SLC9A7: variants seen among roughly 807,000 people sequenced by gnomAD.
SLC9A7 encodes the protein solute carrier family 9 member A7, also known as sodium/hydrogen exchanger 7.
SLC9A7 carries 19 observed loss-of-function variants against 52.6 expected under a neutral mutation model. The observed-to-expected ratio is 0.36, with a 90% CI of 0.25 to 0.53. The LOEUF (loss-of-function observed/expected upper bound fraction) is 0.53, where lower values mean the gene tolerates loss of function less well. Among genes scored for constraint, SLC9A7 ranks in the 20% least tolerant of loss-of-function variants. The pLI, the probability that SLC9A7 is intolerant of heterozygous loss-of-function variation, is 0.91. For missense variants in SLC9A7, 455 were observed against 597.9 expected, an observed-to-expected ratio of 0.76 and a Z score of 2.49; for synonymous variants, 226 against 252.1, an observed-to-expected ratio of 0.90 and a Z score of 0.98.
At chrX:46,674,076 G>A (rs1944070410) in intron 3 of SLC9A7, among the ~76,000 whole-genome samples, 1 of 111,342 alleles carries the variant, frequency 9.0e-6, no homozygotes, top group African/African-American at 3.3e-5. Flanking sequence ...AATCAGGGAG[G>A]GCTAGGAGTG....
intron 7 of SLC9A7, among the ~76,000 whole-genome samples, chrX:46,657,809 T>C (rs1943729679): frequency 9.1e-6 from 1 of 109,467 alleles, no homozygotes; most frequent in Admixed American, 9.8e-5. Context: ...ATTAGACAGA[T>C]CAATGAGACA....
At chrX:46,607,490 C>G (rs891196254) in intron 16 of SLC9A7, among the ~76,000 whole-genome samples, 1 of 111,523 alleles carries the variant, frequency 9.0e-6, no homozygotes, top group African/African-American at 3.3e-5. Flanking sequence ...TTCCAGCTTC[C>G]CAATCAACAC....
At chrX:46,755,161 T>C (rs1450928425) in intron 1 of SLC9A7, among the ~76,000 whole-genome samples, 2 of 112,272 alleles carry the variant, frequency 1.8e-5, no homozygotes, top group East Asian at 5.6e-4. Flanking sequence ...CCTTTCTGTT[T>C]AAACGTTAAG....
intron 1 of SLC9A7, among the ~76,000 whole-genome samples, chrX:46,689,799 TG>T (rs1362776669): frequency 2.7e-5 from 3 of 109,521 alleles, no homozygotes; most frequent in African/African-American, 1.0e-4. Context: ...GGCCCTGGTG[TG>T]TGATGTTCCC....
chrX:46,749,962 T>A (rs764410507), intron 1 of SLC9A7, among the ~76,000 whole-genome samples: 2 of 109,906 alleles, frequency 1.8e-5, no homozygotes, highest in South Asian at 7.9e-4. Flanking sequence ...ATGCCTGTAA[T>A]CCCAGCTAGT....
At chrX:46,738,108 A>G (rs369095500) in intron 1 of SLC9A7, among the ~76,000 whole-genome samples, 2 of 48,528 alleles carry the variant, frequency 4.1e-5, no homozygotes, top group Admixed American at 2.3e-4. Flanking sequence ...AGAAAGAAAG[A>G]GAAAAGAAAA....
In SLC9A7 at chrX:46,642,239, CTG is replaced by C. The variant is rs779517891; in HGVS notation, c.1616+995_1616+996del. ...CCTCCAAGCTATGTACGCTCTGCAG[CTG>C]TGTCGGGCATTCTACAGTCTAGAGA... On this transcript the variant is annotated intron_variant, in intron 12 of 16. Transcript: ENST00000616978. Among the ~76,000 whole-genome samples the C allele has an allele frequency of 1.9e-4, 22 of 113,096 alleles. No individual in the cohort carries two copies. In the South Asian group the frequency reaches 7.6e-3, roughly 39 times the overall value.
At chrX:46,686,620 G>T (rs1382913847) in intron 1 of SLC9A7, among the ~76,000 whole-genome samples, 1 of 109,192 alleles carries the variant, frequency 9.2e-6, no homozygotes, top group Non-Finnish European at 1.9e-5. Context: ...ATTTTTTTTT[G>T]AAAGCTTCAG....
chrX:46,759,113 C>A lies in SLC9A7; in HGVS notation c.-84G>T. ...GGTTCTGGCAGCACCGCGGACCTGC[C>A]GGAGTGGCCGTGGCCGCTGCAGCTC... On this transcript the variant is annotated 5_prime_UTR_variant, in exon 1 of 17. Transcript: ENST00000616978. The A allele has an allele frequency of 1.6e-6, 1 of 628,996 alleles. No individual in the cohort carries two copies. The highest frequency in any genetic ancestry group is 2.0e-6 in the Non-Finnish European group (1 of 492,135). 51.8% of individuals were successfully genotyped at this position (628,996 alleles called of 1,213,427 possible). A position where few individuals can be genotyped will look rare whatever the true frequency, so the allele number is the denominator to read the frequency against.
At chrX:46,685,607 T>C (rs1905113926) in intron 1 of SLC9A7, 1 of 111,380 alleles carries the variant, frequency 9.0e-6, no homozygotes, top group Admixed American at 9.6e-5. Flanking sequence ...GTGGCAGCAG[T>C]GGCCCCTTTG....
chrX:46,610,898 T>A lies in SLC9A7; in HGVS notation c.1929+2391A>T, dbSNP rs1942837486. 1.8e-5 allele frequency among the ~76,000 whole-genome samples: 2 copies of A among 112,572 alleles called. 1 individual carries two copies. Among genetic ancestry groups the A allele is most frequent in the Non-Finnish European group, 3.7e-5 (2 of 53,338 alleles). On this transcript the variant is annotated intron_variant, in intron 16 of 16. Coordinates refer to ENST00000616978, the MANE Select transcript of SLC9A7 (RefSeq NM_001257291.2). ...TAAGGTTTTTATAAAGTTTTAATAGTGGATTTGTTGTTTTACTATTACATA... is the reference window on the plus strand; with the variant it reads ...TAAGGTTTTTATAAAGTTTTAATAGAGGATTTGTTGTTTTACTATTACATA...
chrX:46,607,028 C>T lies in SLC9A7; in HGVS notation c.2105G>A (p.Arg702Gln), dbSNP rs756738935. Residue 702 changes from arginine to glutamine, a missense_variant, in exon 17 of 17, where the codon CGA becomes CAA. Coordinates refer to ENST00000616978, the MANE Select transcript of SLC9A7 (RefSeq NM_001257291.2). ...CTTCTGGTCTCCCATTCCCAGGTCT[C>T]GCTCCAGCACTTCCTCCGAGCTGCT... Reference protein sequence around the residue: ...TKSSSEEVLERDLGMGDQKVS... With the variant: ...TKSSSEEVLEQDLGMGDQKVS... The T allele has an allele frequency of 2.5e-6, 3 of 1,209,431 alleles. No individual in the cohort carries two copies. The highest frequency in any genetic ancestry group is 3.5e-5 in the African/African-American group (2 of 56,951).
chrX:46,752,340 CCCTA>C (rs1394301109), intron 1 of SLC9A7, among the ~76,000 whole-genome samples: 1 of 111,431 alleles, frequency 9.0e-6, no homozygotes, highest in Non-Finnish European at 1.9e-5. Flanking sequence ...ATTCAAATAT[CCCTA>C]CCTATCCCCA....
Position 46,604,237 on chromosome X carries a change from G to A in SLC9A7, c.*2715C>T, listed in dbSNP as rs1482373258. On this transcript the variant is annotated 3_prime_UTR_variant, in exon 17 of 17. Transcript: ENST00000616978. ...TAAGAACTTCCCTTCCAGGGGCTAT[G>A]AAAGCTCTTTCTCTGGCTGTGGGGT... The A allele has an allele frequency of 8.9e-6, 1 of 111,888 alleles. No individual in the cohort carries two copies. 9.2% of individuals were successfully genotyped at this position (111,888 alleles called of 1,213,427 possible). A position where few individuals can be genotyped will look rare whatever the true frequency, so the allele number is the denominator to read the frequency against.
chrX:46,638,698 A>G (rs1268829518), intron 12 of SLC9A7, among the ~76,000 whole-genome samples: 2 of 112,253 alleles, frequency 1.8e-5, no homozygotes, highest in African/African-American at 6.5e-5. Context: ...TATAACTAAT[A>G]AAGAAATTGG....
intron 1 of SLC9A7, among the ~76,000 whole-genome samples, chrX:46,755,212 T>C (rs1405139466): frequency 3.6e-5 from 4 of 112,054 alleles, no homozygotes; most frequent in Non-Finnish European, 7.5e-5. Flanking sequence ...GTCCTCTGCA[T>C]CCAAGCAAGC....
chrX:46,693,657 A>G (rs938593287), intron 1 of SLC9A7, among the ~76,000 whole-genome samples: 6 of 108,678 alleles, frequency 5.5e-5, no homozygotes, highest in Non-Finnish European at 7.6e-5. Flanking sequence ...AACCTTTAGG[A>G]AAAAAAAAGC....
chrX:46,732,577 T>G (rs1235647127), intron 1 of SLC9A7, among the ~76,000 whole-genome samples: 1 of 110,524 alleles, frequency 9.0e-6, no homozygotes, highest in Non-Finnish European at 1.9e-5. Flanking sequence ...ATCCAAAAGT[T>G]TGATAACACA....
chrX:46,714,747 A>G (rs1944744488), intron 1 of SLC9A7, among the ~76,000 whole-genome samples: 2 of 112,134 alleles, frequency 1.8e-5, no homozygotes, highest in Non-Finnish European at 3.8e-5. Flanking sequence ...GAAGAAACAT[A>G]AGAAACAAAA....
Sources: gnomAD v4.1 joint callset for allele counts (sites outside exome capture counted in the v4.1 genomes callset) on GRCh38, gnomAD v4.1.1 for gene constraint, MANE v1.5 for transcripts, NCBI Gene and HGNC (gene_info 2026-07-23, HGNC 2026-07-21) for gene names.